The following TARS3 variants were observed in gnomAD, a reference collection of about 807,000 sequenced individuals.
The protein encoded by TARS3 is threonine--tRNA ligase 2, cytoplasmic.
Under a neutral mutation model 103.5 loss-of-function variants are expected in TARS3, and 94 were observed. The ratio of observed to expected loss-of-function variants is 0.91; its 90% CI spans 0.77 to 1.08. The LOEUF is 1.08. TARS3 is among the 50% of genes least tolerant of loss of function. The pLI is 0.00. For missense variants in TARS3, 952 were observed against 995.2 expected (o/e 0.96, Z 0.58); for synonymous variants, 416 against 355.4 (o/e 1.17, Z -1.92).
chr15:101,690,141 G>C (rs1898650579), intron 10 of TARS3, among the ~76,000 whole-genome samples: 1 of 152,168 alleles, frequency 6.6e-6, no homozygotes, highest in South Asian at 2.1e-4. Flanking sequence ...GCAAGAATGT[G>C]CTGAGAGGCA....
intron 12 of TARS3, among the ~76,000 whole-genome samples, chr15:101,679,560 A>G (rs1050314695): frequency 6.6e-6 from 1 of 152,052 alleles, no homozygotes; most frequent in Non-Finnish European, 1.5e-5. Flanking sequence ...TAGTAATTGC[A>G]TTTTTATGGT....
At chr15:101,686,997 G>A (rs1371391949) in intron 10 of TARS3, among the ~76,000 whole-genome samples, 1 of 151,984 alleles carries the variant, frequency 6.6e-6, no homozygotes, top group Non-Finnish European at 1.5e-5. Flanking sequence ...ACAACTGAAA[G>A]GAATGTTGTC....
chr15:101,704,525 G>A (rs62027619), intron 7 of TARS3, among the ~76,000 whole-genome samples: 1 of 151,582 alleles, frequency 6.6e-6, no homozygotes, highest in African/African-American at 2.4e-5. Context: ...CGTGGTGGTG[G>A]GCGCCTGTAA....
intron 10 of TARS3, among the ~76,000 whole-genome samples, chr15:101,692,842 C>T (rs1405143283): frequency 6.6e-6 from 1 of 152,226 alleles, no homozygotes; most frequent in Non-Finnish European, 1.5e-5. Context: ...TCTTTCAGGA[C>T]TCTCCCTGCA....
chr15:101,715,495 A>C (rs1900108860), intron 3 of TARS3, among the ~76,000 whole-genome samples: 1 of 152,250 alleles, frequency 6.6e-6, no homozygotes, highest in African/African-American at 2.4e-5. Flanking sequence ...CCCACAAGAT[A>C]AAATAAAAAT....
chr15:101,682,245 T>C (rs534337000), intron 12 of TARS3, among the ~76,000 whole-genome samples: 1 of 152,302 alleles, frequency 6.6e-6, no homozygotes, highest in Admixed American at 6.5e-5. Context: ...CTATTAAGTA[T>C]GAGGTTAGCT....
rs185893300 is a variant in TARS3 at position 101,721,908 on chromosome 15, T to A, written c.370-586A>T. ...TCAGTACAGTATTCAATAAATTACA[T>A]GAGATATTCAACACTTCATAATAAA... is the stretch of plus-strand genomic sequence containing the variant. On this transcript the variant is annotated intron_variant, in intron 2 of 18. Coordinates refer to ENST00000335968, the MANE Select transcript of TARS3 (RefSeq NM_152334.3). Among the ~76,000 whole-genome samples the A allele has an allele frequency of 5.9e-5, 9 of 152,362 alleles. 1 individual carries two copies. The East Asian group carries it at 1.7e-3, about 29-fold the overall frequency.
In TARS3 at chr15:101,685,492, G is replaced by C. The variant is rs200664970; in HGVS notation, c.1487+404C>G. Among the ~76,000 whole-genome samples, 11 of 152,220 alleles carry C rather than the reference G, an allele frequency of 7.2e-5. No homozygotes were observed. In the East Asian group the frequency reaches 1.9e-3, roughly 27 times the overall value. On this transcript the variant is annotated intron_variant, in intron 11 of 18. Transcript: ENST00000335968. ...AATGTGGAAGAAAAATGGTATCTTG[G>C]AATCAGTGAAATCCAGAAACCCATT...
At position 101,714,876 on chromosome 15, in the gene TARS3, TAGAGA is replaced by T. The variant is rs1900058154; in HGVS notation, c.649_653del (p.Ser217ArgfsTer6). 2.5e-6 allele frequency: 4 copies of T among 1,613,168 alleles called. No individual in the cohort carries two copies. Among genetic ancestry groups the T allele is most frequent in the Non-Finnish European group, 3.4e-6 (4 of 1,179,476 alleles). The stretch of plus-strand genomic sequence containing the variant: ...CCTCATTATCAAATGTAAGCAGCTC[TAGAGA>T]AGAGTCCCCTTCCAATGGGCGGTCC... On this transcript the variant is annotated frameshift_variant, in exon 4 of 19. Coordinates refer to ENST00000335968, the MANE Select transcript of TARS3 (RefSeq NM_152334.3). LOFTEE classifies it high-confidence loss of function.
intron 3 of TARS3, among the ~76,000 whole-genome samples, chr15:101,716,675 T>A (rs1334299481): frequency 6.6e-6 from 1 of 152,132 alleles, no homozygotes; most frequent in African/African-American, 2.4e-5. Flanking sequence ...TATATCTTAC[T>A]CAATTATTTT....
At chr15:101,722,510 C>CAA (rs775394707) in intron 2 of TARS3, among the ~76,000 whole-genome samples, 2 of 108,524 alleles carry the variant, frequency 1.8e-5, no homozygotes, top group African/African-American at 3.4e-5. Flanking sequence ...TTCTCGAATA[C>CAA]AAAAAAAAAA....
At chr15:101,702,872 T>A (rs1899352118) in intron 8 of TARS3, among the ~76,000 whole-genome samples, 1 of 152,218 alleles carries the variant, frequency 6.6e-6, no homozygotes, top group African/African-American at 2.4e-5. Flanking sequence ...CTTCCCAGCC[T>A]AAATTATACC....
chr15:101,706,872 T>C (rs1195888113), intron 6 of TARS3, among the ~76,000 whole-genome samples: 1 of 152,194 alleles, frequency 6.6e-6, no homozygotes, highest in Non-Finnish European at 1.5e-5. Context: ...GTTTAGTTCT[T>C]AAAAGTAGCT....
At chr15:101,704,106 C>T (rs1012075475) in intron 7 of TARS3, among the ~76,000 whole-genome samples, 169 bp from the exon 8 acceptor site, 3 of 152,114 alleles carry the variant, frequency 2.0e-5, no homozygotes, top group African/African-American at 2.4e-5. Flanking sequence ...CCTCAGAGTC[C>T]ACTCTGCCCT....
At chr15:101,658,266 C>G (rs1897254406) in intron 16 of TARS3, among the ~76,000 whole-genome samples, 1 of 141,222 alleles carries the variant, frequency 7.1e-6, no homozygotes, top group African/African-American at 2.6e-5. Context: ...GGGTGAATGG[C>G]CAAACTGTGG....
intron 17 of TARS3, 98 bp downstream of exon 17, chr15:101,657,687 G>T: frequency 4.0e-6 from 3 of 750,650 alleles, no homozygotes; most frequent in Non-Finnish European, 6.3e-6. Flanking sequence ...TAATGTGTCA[G>T]TTCTGCAATA....
chr15:101,663,397 A>G (rs1342138611), intron 15 of TARS3, among the ~76,000 whole-genome samples: 1 of 152,244 alleles, frequency 6.6e-6, no homozygotes, highest in African/African-American at 2.4e-5. Context: ...GCAATAGGCT[A>G]TCCCATACAG....
At chr15:101,660,529 C>A (rs1897337286) in intron 16 of TARS3, among the ~76,000 whole-genome samples, 1 of 152,208 alleles carries the variant, frequency 6.6e-6, no homozygotes, top group Non-Finnish European at 1.5e-5. Flanking sequence ...CTGGCAGAAG[C>A]ATGGCAGCAA....
intron 15 of TARS3, among the ~76,000 whole-genome samples, chr15:101,663,259 T>TG (rs1484381089): frequency 6.6e-6 from 1 of 152,214 alleles, no homozygotes; most frequent in Non-Finnish European, 1.5e-5. Flanking sequence ...TTGTTACATA[T>TG]GTATACATGA....
Sources: allele counts gnomAD v4.1 joint callset (sites outside exome capture counted in the v4.1 genomes callset), GRCh38; gene constraint gnomAD v4.1.1; transcripts MANE v1.5; gene names NCBI Gene and HGNC (gene_info 2026-07-23, HGNC 2026-07-21).